Variants in TOLLIP observed in about 807,000 individuals in gnomAD.
The protein encoded by TOLLIP is toll-interacting protein.
TOLLIP carries 16 observed loss-of-function variants against 33.5 expected under a neutral mutation model. That is an observed-to-expected ratio of 0.48 (90% CI 0.32 to 0.72). TOLLIP has a LOEUF of 0.72. Ranked by LOEUF, TOLLIP falls within the 30% of genes least tolerant of loss-of-function variation. TOLLIP has a pLI of 0.03. For missense variants in TOLLIP, 325 were observed against 396.6 expected (o/e 0.82, Z 1.53); for synonymous variants, 176 against 163.7 (o/e 1.07, Z -0.57).
chr11:1,309,560 GCCCC>G lies in TOLLIP; in HGVS notation c.-66_-63del. ...AGTGACGCGCCGGGCGACCTCCTGC[GCCCC>G]CGCCGGAGCCTGCGACGGAGACAGT... is the stretch of plus-strand genomic sequence containing the variant. On this transcript the variant is annotated 5_prime_UTR_variant, in exon 1 of 6. Coordinates refer to ENST00000317204, the MANE Select transcript of TOLLIP (RefSeq NM_019009.4). 1 of 1,049,006 alleles carries G rather than the reference GCCCC, an allele frequency of 9.5e-7. No individual in the cohort carries two copies. Among genetic ancestry groups the G allele is most frequent in the Non-Finnish European group, 1.2e-6 (1 of 811,318 alleles). The allele number at this position is 1,049,006 out of a possible 1,614,324, so 65.0% of individuals were successfully genotyped here. A position where few individuals can be genotyped will look rare whatever the true frequency, so the allele number is the denominator to read the frequency against.
Position 1,276,590 on chromosome 11 carries a change from G to A in TOLLIP, c.*449C>T. ...GGGCAAGGGCGTGAGTTTTCGTCTG[G>A]GAAGTTCTAAAAAAAACCCACAGTG... is the stretch of plus-strand genomic sequence containing the variant. On this transcript the variant is annotated 3_prime_UTR_variant, in exon 6 of 6. Transcript: ENST00000317204. 1 of 1,129,042 alleles carries A rather than the reference G, an allele frequency of 8.9e-7. No individual in the cohort carries two copies. The highest frequency in any genetic ancestry group is 1.2e-6 in the Non-Finnish European group (1 of 851,932). The allele number at this position is 1,129,042 out of a possible 1,614,324, so 69.9% of individuals were successfully genotyped here. A position where few individuals can be genotyped will look rare whatever the true frequency, so the allele number is the denominator to read the frequency against.
chr11:1,306,388 C>T (rs967502603), intron 1 of TOLLIP, among the ~76,000 whole-genome samples: 5 of 152,034 alleles, frequency 3.3e-5, no homozygotes, highest in African/African-American at 9.7e-5. Context: ...TTGCCGTCTC[C>T]CCTTATCACT....
At chr11:1,300,667 C>A (rs945748492) in intron 1 of TOLLIP, among the ~76,000 whole-genome samples, 1 of 152,244 alleles carries the variant, frequency 6.6e-6, no homozygotes, top group African/African-American at 2.4e-5. Context: ...CCGCTGCTTC[C>A]TTGGGCCACA....
intron 1 of TOLLIP, among the ~76,000 whole-genome samples, chr11:1,301,909 C>G (rs1864288485): frequency 6.6e-6 from 1 of 152,242 alleles, no homozygotes. Context: ...CTCAAAGCCT[C>G]TTGGGCGAGG....
Position 1,290,131 on chromosome 11 carries a change from G to T in TOLLIP, c.366+96C>A. The T allele has an allele frequency of 1.5e-6, 2 of 1,356,536 alleles. No homozygotes were observed. The highest frequency in any genetic ancestry group is 1.0e-6 in the Non-Finnish European group (1 of 980,626). 84.0% of individuals were successfully genotyped at this position (1,356,536 alleles called of 1,614,324 possible). ...ACCAGGTGGGGAGCCACGCCTCGAA[G>T]CCAGCCAGGAACGTGGCTGTGTTGG... On this transcript the variant is annotated intron_variant, in intron 3 of 5. Coordinates refer to ENST00000317204, the MANE Select transcript of TOLLIP (RefSeq NM_019009.4). The surrounding 1 kb of genome is among the most constrained non-coding windows in gnomAD (Gnocchi z 4.9).
At position 1,276,631 on chromosome 11, in the gene TOLLIP, G is replaced by T. The variant is rs1311175880; in HGVS notation, c.*408C>A. 7.8e-7 allele frequency: 1 copy of T among 1,283,402 alleles called. No homozygotes were observed. The highest frequency in any genetic ancestry group is 1.5e-5 in the African/African-American group (1 of 66,178). 79.5% of individuals were successfully genotyped at this position (1,283,402 alleles called of 1,614,324 possible). ...ACCCACAGTGTGAGGGATTGTGTGT[G>T]CCTTAAATCAACAGCTCTATTCCAA... is the stretch of plus-strand genomic sequence containing the variant. On this transcript the variant is annotated 3_prime_UTR_variant, in exon 6 of 6. Coordinates refer to ENST00000317204, the MANE Select transcript of TOLLIP (RefSeq NM_019009.4).
chr11:1,301,064 TA>T (rs1489471846), intron 1 of TOLLIP, among the ~76,000 whole-genome samples: 1 of 152,286 alleles, frequency 6.6e-6, no homozygotes, highest in African/African-American at 2.4e-5. Flanking sequence ...AATTAAAAAC[TA>T]AAATGCTTCT....
intron 1 of TOLLIP, 32 bp downstream of exon 1, chr11:1,309,434 G>GC: frequency 4.0e-6 from 5 of 1,255,772 alleles, no homozygotes; most frequent in South Asian, 4.5e-5. Context: ...GCAGGTCACC[G>GC]CCCCCGCCCG....
At chr11:1,281,530 C>A (rs937170730) in intron 5 of TOLLIP, among the ~76,000 whole-genome samples, 1 of 143,752 alleles carries the variant, frequency 7.0e-6, no homozygotes, top group Non-Finnish European at 1.5e-5. Context: ...GCCCCCGAGA[C>A]CTGCACCCTG....
rs149279819 is a variant in TOLLIP, at chr11:1,279,113, T to C, written c.611-1860A>G. On this transcript the variant is annotated intron_variant, in intron 5 of 5. Coordinates refer to ENST00000317204, the MANE Select transcript of TOLLIP (RefSeq NM_019009.4). ...AGGAGGGGAACTGCTGCAAAATCGA[T>C]GACGGTGGCTGTGACGCTGCGACGT... is the stretch of plus-strand genomic sequence containing the variant. 2.6e-3 allele frequency among the ~76,000 whole-genome samples: 401 copies of C among 152,336 alleles called. 5 individuals carry two copies. The highest frequency in any genetic ancestry group is 7.9e-3 in the African/African-American group (329 of 41,578).
chr11:1,280,924 G>A (rs376080090), intron 5 of TOLLIP, among the ~76,000 whole-genome samples: 3 of 152,214 alleles, frequency 2.0e-5, no homozygotes, highest in Admixed American at 6.5e-5. Context: ...AGTGGCACCC[G>A]CGCTGGTCTC....
chr11:1,295,526 C>T (rs1864085505), intron 2 of TOLLIP, 119 bp downstream of exon 2: 10 of 1,259,960 alleles, frequency 7.9e-6, no homozygotes, highest in African/African-American at 1.5e-5. Flanking sequence ...TCAGGAAAAG[C>T]GGGAATCAGA....
chr11:1,283,150 C>T (rs997301912), intron 5 of TOLLIP: 4 of 198,738 alleles, frequency 2.0e-5, no homozygotes, highest in East Asian at 1.3e-4. Context: ...GGTAAACCTG[C>T]GCTGGGTGGA....
intron 1 of TOLLIP, among the ~76,000 whole-genome samples, chr11:1,308,478 A>G (rs1564983427): frequency 6.6e-6 from 1 of 152,118 alleles, no homozygotes; most frequent in South Asian, 2.1e-4. Context: ...TTTTCTTACA[A>G]ATTACCCAGT....
In TOLLIP at chr11:1,277,952, C is replaced by T. The variant is rs1001336605; in HGVS notation, c.611-699G>A. Among the ~76,000 whole-genome samples, 5 of 152,208 alleles carry T rather than the reference C, an allele frequency of 3.3e-5. No individual in the cohort carries two copies. The highest frequency in any genetic ancestry group is 6.5e-5 in the Admixed American group (1 of 15,282). On this transcript the variant is annotated intron_variant, in intron 5 of 5. Coordinates refer to ENST00000317204, the MANE Select transcript of TOLLIP (RefSeq NM_019009.4). This position sits in a 1 kb window ranked among gnomAD's most constrained non-coding sequence, Gnocchi z 4.2. ...ACAGTGGACCCTCAGTGCACTGGGG[C>T]CACCGTCCAGGGTTCCTGGCATCTC...
intron 1 of TOLLIP, among the ~76,000 whole-genome samples, chr11:1,300,922 C>T (rs1461291396): frequency 6.6e-6 from 1 of 152,240 alleles, no homozygotes; most frequent in Admixed American, 6.5e-5. Context: ...CATGACGCTG[C>T]GAGGCTGTGG....
intron 4 of TOLLIP, 54 bp downstream of exon 4, chr11:1,288,570 G>T: frequency 6.4e-7 from 1 of 1,555,780 alleles, no homozygotes. Context: ...GCATAGCCCC[G>T]ACGTGCTCCA....
chr11:1,299,944 G>A (rs553736203), intron 1 of TOLLIP, among the ~76,000 whole-genome samples: 2 of 152,210 alleles, frequency 1.3e-5, no homozygotes, highest in South Asian at 2.1e-4. Context: ...GCGGAGGTGC[G>A]GCACGACCTG....
chr11:1,276,990 G>C lies in TOLLIP; in HGVS notation c.*49C>G, dbSNP rs1361390581. Reference sequence around the variant, plus strand: ...GGACAGCATTCCTTGGGGAGCGCCGGGTCGGCGTGTCCAAAGAGCGGGGGC... The same window carrying C: ...GGACAGCATTCCTTGGGGAGCGCCGCGTCGGCGTGTCCAAAGAGCGGGGGC... On this transcript the variant is annotated 3_prime_UTR_variant, in exon 6 of 6. Coordinates refer to ENST00000317204, the MANE Select transcript of TOLLIP (RefSeq NM_019009.4). 2 of 1,598,954 alleles carry C rather than the reference G, an allele frequency of 1.3e-6. No homozygotes were observed. Among genetic ancestry groups the C allele is most frequent in the Middle Eastern group, 1.7e-4 (1 of 5,978 alleles).
Sources: allele counts gnomAD v4.1 joint callset (sites outside exome capture counted in the v4.1 genomes callset), GRCh38; gene constraint gnomAD v4.1.1; non-coding constraint Gnocchi (gnomAD v3.1); transcripts MANE v1.5; gene names NCBI Gene and HGNC (gene_info 2026-07-23, HGNC 2026-07-21).